HABP4: variants seen among roughly 807,000 people sequenced by gnomAD.
The protein encoded by HABP4 is hyaluronan binding protein 4.
HABP4 carries 32 observed loss-of-function variants against 44.1 expected under a neutral mutation model. The ratio of observed to expected loss-of-function variants is 0.73; its 90% confidence interval spans 0.55 to 0.97. HABP4 has a LOEUF of 0.97. Ranked by LOEUF, HABP4 falls within the 50% of genes least tolerant of loss-of-function variation. The pLI, the probability that HABP4 is intolerant of heterozygous loss-of-function variation, is 0.00. For synonymous variants in HABP4, 216 were observed against 218.0 expected, an observed-to-expected ratio of 0.99 and a Z score of 0.08; for missense variants, 503 against 561.9, an observed-to-expected ratio of 0.90 and a Z score of 1.06.
At chr9:96,463,718 G>A (rs1832547628) in intron 2 of HABP4, among the ~76,000 whole-genome samples, 1 of 152,172 alleles carries the variant, frequency 6.6e-6, no homozygotes, top group South Asian at 2.1e-4. Flanking sequence ...TTAATGATCA[G>A]TACTTCTGTA....
At chr9:96,466,716 T>G (rs73538785) in intron 4 of HABP4, among the ~76,000 whole-genome samples, 3,669 of 152,240 alleles carry the variant, frequency 0.024, 151 homozygotes, top group African/African-American at 0.085. Context: ...TCTGTGCCAA[T>G]TCTTCTGCTA....
intron 1 of HABP4, among the ~76,000 whole-genome samples, chr9:96,457,760 T>A (rs1832419835): frequency 1.3e-5 from 2 of 151,884 alleles, no homozygotes; most frequent in Non-Finnish European, 2.9e-5. Flanking sequence ...TCCAGCATCT[T>A]GGGAGGCTGA....
chr9:96,487,018 G>A (rs1256451104), intron 6 of HABP4, among the ~76,000 whole-genome samples: 1 of 152,016 alleles, frequency 6.6e-6, no homozygotes, highest in Non-Finnish European at 1.5e-5. Flanking sequence ...TTTTTTGTGT[G>A]TATCTTTTTA....
Position 96,458,488 on chromosome 9 carries a change from C to T in HABP4, c.459C>T (p.Pro153=), listed in dbSNP as rs1414463029. 2 of 1,613,264 alleles carry T rather than the reference C, an allele frequency of 1.2e-6. No homozygotes were observed. The highest frequency in any genetic ancestry group is 1.7e-6 in the Non-Finnish European group (2 of 1,179,204). The part of the protein sequence containing the change: ...AERRSYREYR[P]YETERQADFT... ...GGAGATCCTACAGGGAATACCGACCCTATGAGACAGAGAGGCAGGCAGACT... is the reference window on the plus strand; with the variant it reads ...GGAGATCCTACAGGGAATACCGACCTTATGAGACAGAGAGGCAGGCAGACT... Residue 153 remains proline, a synonymous_variant, in exon 2 of 8, where the codon CCC becomes CCT. Transcript: ENST00000375249.
intron 4 of HABP4, among the ~76,000 whole-genome samples, chr9:96,467,527 CT>C (rs566272718): frequency 1.1e-3 from 125 of 118,118 alleles, no homozygotes; most frequent in South Asian, 1.9e-3. Context: ...TCTTTTTTTC[CT>C]TTTTTTTTTT....
At chr9:96,485,621 G>A (rs935649018) in intron 6 of HABP4, among the ~76,000 whole-genome samples, 3 of 152,156 alleles carry the variant, frequency 2.0e-5, no homozygotes, top group Admixed American at 6.5e-5. Flanking sequence ...GAGAGGTTTC[G>A]GGGAAACATC....
intron 5 of HABP4, among the ~76,000 whole-genome samples, chr9:96,477,505 CTT>C (rs2131147767): frequency 6.6e-6 from 1 of 152,200 alleles, no homozygotes; most frequent in South Asian, 2.1e-4. Context: ...ACCTGCTACT[CTT>C]TTTTAATAAC....
At chr9:96,468,532 T>TC in intron 4 of HABP4, among the ~76,000 whole-genome samples, 1 of 152,232 alleles carries the variant, frequency 6.6e-6, no homozygotes, top group Admixed American at 6.5e-5. Flanking sequence ...GTGCTGGGAT[T>TC]ATAGACGTGA....
rs555009590 is a variant in HABP4 at position 96,464,771 on chromosome 9, G to C, written c.513-566G>C. ...CTTGGCCGTTTATGTGGAGTAATGA[G>C]GTGGAAGGCAGGTTAAGGTTTTCAC... On this transcript the variant is annotated intron_variant, in intron 2 of 7. Coordinates refer to ENST00000375249, the MANE Select transcript of HABP4 (RefSeq NM_014282.4). Among the ~76,000 whole-genome samples, 5 of 152,232 alleles carry C rather than the reference G, an allele frequency of 3.3e-5. No homozygotes were observed. The South Asian group carries it at 6.2e-4, about 19-fold the overall frequency.
Position 96,450,972 on chromosome 9 carries a change from G to T in HABP4, c.349+344G>T, listed in dbSNP as rs1015447657. ...CCCGGGGCTCCCACATCCAGACCTGGCGGGGACCTTCATCTTCCAGCCCAG... is the reference window on the plus strand; with the variant it reads ...CCCGGGGCTCCCACATCCAGACCTGTCGGGGACCTTCATCTTCCAGCCCAG... On this transcript the variant is annotated intron_variant, in intron 1 of 7. Transcript: ENST00000375249. The surrounding 1 kb of genome is among the most constrained non-coding windows in gnomAD (Gnocchi z 4.8). 6.6e-6 allele frequency among the ~76,000 whole-genome samples: 1 copy of T among 152,194 alleles called. No homozygotes were observed. Among genetic ancestry groups the T allele is most frequent in the African/African-American group, 2.4e-5 (1 of 41,438 alleles).
intron 1 of HABP4, among the ~76,000 whole-genome samples, chr9:96,453,372 C>A (rs1587767521): frequency 6.6e-6 from 1 of 151,770 alleles, no homozygotes; most frequent in Non-Finnish European, 1.5e-5. Flanking sequence ...CTGTGCCTGG[C>A]CTAATTTTTT....
intron 1 of HABP4, 39 bp from the exon 2 acceptor site, chr9:96,458,340 G>A (rs771152299): frequency 1.3e-6 from 2 of 1,588,968 alleles, no homozygotes; most frequent in South Asian, 2.2e-5. Flanking sequence ...TGTTGCAGAT[G>A]TTGTGTTCCA....
At chr9:96,466,041 A>G (rs1832595156) in intron 4 of HABP4, among the ~76,000 whole-genome samples, 1 of 152,184 alleles carries the variant, frequency 6.6e-6, no homozygotes, top group Admixed American at 6.5e-5. Context: ...CTGATGCCTC[A>G]AACATATGGC....
intron 2 of HABP4, 86 bp downstream of exon 2, chr9:96,458,627 T>TTTC: frequency 1.3e-4 from 23 of 182,058 alleles, no homozygotes; most frequent in Non-Finnish European, 2.1e-4. Context: ...TCTTTCTTTC[T>TTTC]TTTTTTTTTT....
intron 2 of HABP4, 66 bp from the exon 3 acceptor site, chr9:96,465,271 A>G (rs750786592): frequency 6.0e-6 from 6 of 1,007,526 alleles, no homozygotes; most frequent in Non-Finnish European, 9.2e-6. Flanking sequence ...TTTCTTTTAG[A>G]ATTTTTTTCT....
intron 1 of HABP4, among the ~76,000 whole-genome samples, chr9:96,455,729 G>A (rs1444694827): frequency 6.6e-6 from 1 of 151,896 alleles, no homozygotes; most frequent in Non-Finnish European, 1.5e-5. Flanking sequence ...TGGTGCCATG[G>A]CAGTCCAGCC....
At chr9:96,482,993 C>T (rs1832904773) in intron 5 of HABP4, 1 of 152,186 alleles carries the variant, frequency 6.6e-6, no homozygotes, top group South Asian at 2.1e-4. Flanking sequence ...GTTTTCATTT[C>T]TCTTGGGTAT....
intron 5 of HABP4, among the ~76,000 whole-genome samples, chr9:96,480,714 A>G (rs567996183): frequency 6.6e-6 from 1 of 152,264 alleles, no homozygotes; most frequent in South Asian, 2.1e-4. Flanking sequence ...TTTGTTTACA[A>G]TTTTTTCTTC....
chr9:96,450,165 G>C (rs1159655392), upstream of HABP4: 37 of 1,080,488 alleles, frequency 3.4e-5, no homozygotes, highest in Non-Finnish European at 4.2e-5. This position sits in a 1 kb window ranked among gnomAD's most constrained non-coding sequence, Gnocchi z 4.8. Context: ...GGGCCGGACA[G>C]GGTAGGGCCC....
Sources: allele counts gnomAD v4.1 joint callset (sites outside exome capture counted in the v4.1 genomes callset), GRCh38; gene constraint gnomAD v4.1.1; non-coding constraint Gnocchi (gnomAD v3.1); transcripts MANE v1.5; gene names NCBI Gene and HGNC (gene_info 2026-07-23, HGNC 2026-07-21).